The following CD247 variants were observed in gnomAD, a reference collection of about 807,000 sequenced individuals.
CD247 encodes the protein T-cell surface glycoprotein CD3 zeta chain.
CD247 carries 13 observed loss-of-function variants against 30.0 expected under a neutral mutation model. That is an observed-to-expected ratio of 0.43 (90% CI 0.28 to 0.69). The LOEUF (loss-of-function observed/expected upper bound fraction) is 0.69. Ranked by LOEUF, CD247 falls within the 30% of genes least tolerant of loss-of-function variation. The pLI is 0.16. For missense variants in CD247, 193 were observed against 212.6 expected, an observed-to-expected ratio of 0.91 and a Z score of 0.57; for synonymous variants, 72 against 80.0, an observed-to-expected ratio of 0.90 and a Z score of 0.53.
rs1651672199 is a variant in CD247 at position 167,438,776 on chromosome 1, G to A, written c.220-126C>T. On this transcript the variant is annotated intron_variant, in intron 3 of 7. Transcript: ENST00000362089. ...TAAAAAGAGGGGCAGGGGCTGGGGA[G>A]GGGATGGTAACTGGTCCATCTGGAG... is the stretch of plus-strand genomic sequence containing the variant. 10 of 772,338 alleles carry A rather than the reference G, an allele frequency of 1.3e-5. No individual in the cohort carries two copies. The South Asian group carries it at 1.4e-4, about 11-fold the overall frequency. 47.8% of individuals were successfully genotyped at this position (772,338 alleles called of 1,614,324 possible).
intron 1 of CD247, among the ~76,000 whole-genome samples, chr1:167,445,721 G>A (rs1337096451): frequency 1.3e-5 from 2 of 152,098 alleles, no homozygotes; most frequent in African/African-American, 4.8e-5. Flanking sequence ...GCCAGACTAT[G>A]AACTTCTGCT....
chr1:167,498,303 C>G (rs576152741), intron 1 of CD247, among the ~76,000 whole-genome samples: 4 of 152,348 alleles, frequency 2.6e-5, no homozygotes, highest in African/African-American at 9.6e-5. Flanking sequence ...TCCACATCTT[C>G]CTAACATCTA....
At chr1:167,510,687 A>G (rs993784435) in intron 1 of CD247, among the ~76,000 whole-genome samples, 3 of 152,196 alleles carry the variant, frequency 2.0e-5, no homozygotes, top group Admixed American at 6.5e-5. Context: ...AGCCAGTACA[A>G]TTTTGCATGG....
intron 7 of CD247, 32 bp from the exon 8 acceptor site, chr1:167,431,778 T>A: frequency 6.2e-7 from 1 of 1,602,296 alleles, no homozygotes; most frequent in Non-Finnish European, 8.5e-7. Context: ...AAACAAAGAG[T>A]GGGTCAGTAG....
intron 4 of CD247, among the ~76,000 whole-genome samples, chr1:167,435,822 C>A (rs1048925267): frequency 1.3e-5 from 2 of 152,228 alleles, no homozygotes; most frequent in Non-Finnish European, 2.9e-5. Flanking sequence ...CTGAAAGGTG[C>A]CCTCCCCACA....
intron 1 of CD247, among the ~76,000 whole-genome samples, chr1:167,493,510 T>C (rs987506537): frequency 1.3e-5 from 2 of 152,192 alleles, no homozygotes; most frequent in Non-Finnish European, 2.9e-5. Flanking sequence ...CTGACATTCA[T>C]TGTATCTTTG....
At chr1:167,489,656 A>C (rs755919547) in intron 1 of CD247, among the ~76,000 whole-genome samples, 1 of 152,128 alleles carries the variant, frequency 6.6e-6, no homozygotes, top group Non-Finnish European at 1.5e-5. Context: ...ATGTGATGTG[A>C]CTGGCTCTCA....
intron 3 of CD247, 140 bp downstream of exon 3, chr1:167,439,204 G>C: frequency 1.3e-6 from 1 of 762,344 alleles, no homozygotes; most frequent in South Asian, 1.5e-5. Context: ...AGAAAACTGA[G>C]GTTAAACAAG....
intron 1 of CD247, among the ~76,000 whole-genome samples, chr1:167,464,836 G>T (rs1222941154): frequency 1.3e-5 from 2 of 152,090 alleles, no homozygotes; most frequent in Non-Finnish European, 2.9e-5. Flanking sequence ...AGGGAAAGAA[G>T]AATAGAAGTA....
rs568417025 is a variant in CD247, at chr1:167,494,352, A to G, written c.58+24056T>C. On this transcript the variant is annotated intron_variant, in intron 1 of 7. Transcript: ENST00000362089. This position sits in a 1 kb window ranked among gnomAD's most constrained non-coding sequence, Gnocchi z 7.3. ...GATGTTATCTAAGTGAGGACTGGCC[A>G]GGTAATTGGAACGTTCTAGAGACTG... Among the ~76,000 whole-genome samples, 2 of 152,292 alleles carry G rather than the reference A, an allele frequency of 1.3e-5. No homozygotes were observed. Among genetic ancestry groups the G allele is most frequent in the African/African-American group, 2.4e-5 (1 of 41,568 alleles).
At chr1:167,460,867 G>A (rs1198294987) in intron 1 of CD247, among the ~76,000 whole-genome samples, 2 of 152,184 alleles carry the variant, frequency 1.3e-5, no homozygotes, top group African/African-American at 4.8e-5. Flanking sequence ...ACACCAGGGG[G>A]ACAGGGCACA....
intron 6 of CD247, 27 bp from the exon 7 acceptor site, chr1:167,433,086 A>C: frequency 6.2e-7 from 1 of 1,613,646 alleles, no homozygotes; most frequent in Non-Finnish European, 8.5e-7. Flanking sequence ...GAAATGAGAA[A>C]AGGATTAGAA....
chr1:167,508,754 A>T (rs1372588195), intron 1 of CD247, among the ~76,000 whole-genome samples: 5 of 152,200 alleles, frequency 3.3e-5, no homozygotes, highest in Non-Finnish European at 7.4e-5. Context: ...CTTTGCTACT[A>T]AACTCAGCAT....
chr1:167,510,558 C>T (rs1655344749), intron 1 of CD247, among the ~76,000 whole-genome samples: 1 of 152,202 alleles, frequency 6.6e-6, no homozygotes, highest in Non-Finnish European at 1.5e-5. Flanking sequence ...CAACCTCTAC[C>T]CCCTCCCCCA....
At chr1:167,474,571 C>T (rs549498312) in intron 1 of CD247, among the ~76,000 whole-genome samples, 5 of 151,962 alleles carry the variant, frequency 3.3e-5, no homozygotes, top group South Asian at 2.1e-4. Context: ...GCTGAGCCCC[C>T]GGTCTGGGAA....
chr1:167,491,197 T>C (rs1558023969), intron 1 of CD247, among the ~76,000 whole-genome samples: 1 of 152,154 alleles, frequency 6.6e-6, no homozygotes. Context: ...GGAGAAGGAA[T>C]GCCGTGCACT....
At chr1:167,444,585 C>T (rs141073998) in intron 1 of CD247, among the ~76,000 whole-genome samples, 2 of 152,144 alleles carry the variant, frequency 1.3e-5, no homozygotes, top group Admixed American at 6.5e-5. Context: ...CTCAATCCAC[C>T]GCCCTCTCCC....
At chr1:167,458,889 G>A (rs983611695) in intron 1 of CD247, among the ~76,000 whole-genome samples, 1 of 151,570 alleles carries the variant, frequency 6.6e-6, no homozygotes, top group East Asian at 1.9e-4. Context: ...TTGGGAGGCT[G>A]AGGCAGGCGG....
At chr1:167,487,145 G>A (rs548588594) in intron 1 of CD247, among the ~76,000 whole-genome samples, 9 of 149,186 alleles carry the variant, frequency 6.0e-5, no homozygotes, top group South Asian at 4.3e-4. Context: ...TTGGGAGGCC[G>A]AGGTGTGTGG....
Sources: gnomAD v4.1 joint callset for allele counts (sites outside exome capture counted in the v4.1 genomes callset) on GRCh38, gnomAD v4.1.1 for gene constraint, Gnocchi (gnomAD v3.1) non-coding constraint, MANE v1.5 for transcripts, NCBI Gene and HGNC (gene_info 2026-07-23, HGNC 2026-07-21) for gene names.